Variants in DNAL1 observed in about 807,000 individuals in gnomAD.
DNAL1 encodes chromosome 14 open reading frame 168.
Under a neutral mutation model 29.4 loss-of-function variants are expected in DNAL1, and 17 were observed. The observed-to-expected ratio is 0.58, with a 90% CI of 0.40 to 0.87. DNAL1 has a LOEUF of 0.87. Among genes scored for constraint, DNAL1 ranks in the 40% least tolerant of loss-of-function variants. The pLI is 0.00. For synonymous variants in DNAL1, 78 were observed against 76.3 expected, an observed-to-expected ratio of 1.02 and a Z score of -0.12; for missense variants, 188 against 214.1, an observed-to-expected ratio of 0.88 and a Z score of 0.76.
At chr14:73,661,883 A>G in intron 3 of DNAL1, 104 bp from the exon 4 acceptor site, 1 of 682,944 alleles carries the variant, frequency 1.5e-6, no homozygotes, top group Non-Finnish European at 2.4e-6. Context: ...GAGTGGGGAA[A>G]ATATTACTTA....
Position 73,702,213 on chromosome 14 carries a change from T to C in DNAL1, c.*6271T>C, listed in dbSNP as rs1044376047. On this transcript the variant is annotated 3_prime_UTR_variant, in exon 8 of 8. Coordinates refer to ENST00000553645, the MANE Select transcript of DNAL1 (RefSeq NM_031427.4). ...TGGAGTGCACTGGCACAATCTCGGC[T>C]TACTGCAACCTCCACCTCCCGTGTT... 6.6e-5 allele frequency: 10 copies of C among 152,318 alleles called. No individual in the cohort carries two copies. The highest frequency in any genetic ancestry group is 5.8e-4 in the East Asian group (3 of 5,174). The allele number at this position is 152,318 out of a possible 1,614,324, so 9.4% of individuals were successfully genotyped here.
chr14:73,649,965 T>C (rs938608830), intron 1 of DNAL1, among the ~76,000 whole-genome samples: 27 of 152,292 alleles, frequency 1.8e-4, no homozygotes, highest in African/African-American at 6.3e-4. Flanking sequence ...TTTAAATAGT[T>C]GTTATACTGT....
At chr14:73,664,429 C>T (rs889049498) in intron 4 of DNAL1, among the ~76,000 whole-genome samples, 2 of 152,020 alleles carry the variant, frequency 1.3e-5, no homozygotes, top group African/African-American at 4.8e-5. Context: ...GCCTTGATGT[C>T]GCATTAAAAG....
At chr14:73,649,861 T>C (rs1401124143) in intron 1 of DNAL1, among the ~76,000 whole-genome samples, 2 of 152,244 alleles carry the variant, frequency 1.3e-5, no homozygotes, top group African/African-American at 2.4e-5. Flanking sequence ...TTACATATAA[T>C]GGTGTGGTAT....
At chr14:73,648,513 C>T (rs748870896) in intron 1 of DNAL1, among the ~76,000 whole-genome samples, 3 of 148,106 alleles carry the variant, frequency 2.0e-5, no homozygotes, top group Admixed American at 6.8e-5. Flanking sequence ...CTCCACCTCC[C>T]GGGATCCTCC....
chr14:73,692,621 A>C (rs1892201574), intron 7 of DNAL1, among the ~76,000 whole-genome samples: 1 of 151,882 alleles, frequency 6.6e-6, no homozygotes, highest in Admixed American at 6.6e-5. Context: ...AAAAAAAAAA[A>C]AAAGAATAAA....
Position 73,702,479 on chromosome 14 carries a change from G to A in DNAL1, c.*6537G>A, listed in dbSNP as rs1380359699. Reference sequence around the variant, plus strand: ...TTAGCTAAGTTTTTTTTTCTTAGTAGGTTTTTTTCTCCCAGGCTTGTAACT... The same window carrying A: ...TTAGCTAAGTTTTTTTTTCTTAGTAAGTTTTTTTCTCCCAGGCTTGTAACT... On this transcript the variant is annotated 3_prime_UTR_variant, in exon 8 of 8. Transcript: ENST00000553645. The A allele has an allele frequency of 6.6e-6, 1 of 151,960 alleles. No individual in the cohort carries two copies. Among genetic ancestry groups the A allele is most frequent in the Non-Finnish European group, 1.5e-5 (1 of 67,996 alleles). The allele number at this position is 151,960 out of a possible 1,614,324, so 9.4% of individuals were successfully genotyped here.
chr14:73,687,771 G>A, intron 6 of DNAL1, among the ~76,000 whole-genome samples: 1 of 152,078 alleles, frequency 6.6e-6, no homozygotes, highest in Non-Finnish European at 1.5e-5. Flanking sequence ...TACTCGGGAG[G>A]CTGAGGCAGG....
intron 4 of DNAL1, 91 bp downstream of exon 4, chr14:73,662,133 C>T: frequency 1.9e-6 from 2 of 1,076,640 alleles, no homozygotes; most frequent in Non-Finnish European, 2.7e-6. Context: ...GAAGCTGGCA[C>T]CTGTTTTAGC....
In DNAL1 at chr14:73,675,204, A is replaced by T. The variant is rs377430726; in HGVS notation, c.264+3607A>T. Among the ~76,000 whole-genome samples, 1,180 of 150,752 alleles carry T rather than the reference A, an allele frequency of 7.8e-3. 20 individuals are homozygous for T. Among genetic ancestry groups the T allele is most frequent in the African/African-American group, 0.027 (1,102 of 40,700 alleles). ...TTCTTGTTCTCTCTCTCTCTCTCTC[A>T]CACACAAACACACACACACACACAC... On this transcript the variant is annotated intron_variant, in intron 5 of 7. Coordinates refer to ENST00000553645, the MANE Select transcript of DNAL1 (RefSeq NM_031427.4).
chr14:73,657,100 CAT>C (rs1207249848), intron 2 of DNAL1, among the ~76,000 whole-genome samples: 1 of 151,562 alleles, frequency 6.6e-6, no homozygotes, highest in East Asian at 2.0e-4. Context: ...CTATTATTGA[CAT>C]GTGGTGATTT....
intron 5 of DNAL1, among the ~76,000 whole-genome samples, chr14:73,680,073 T>G (rs1041236366): frequency 2.0e-5 from 3 of 152,184 alleles, no homozygotes; most frequent in African/African-American, 4.8e-5. Context: ...ACTTTAGAAT[T>G]TATTTTGATA....
chr14:73,682,924 C>T (rs1316398551), intron 5 of DNAL1, among the ~76,000 whole-genome samples: 7 of 143,720 alleles, frequency 4.9e-5, no homozygotes, highest in African/African-American at 1.8e-4. Flanking sequence ...TTGCCCAGGC[C>T]AGAGTGCAAT....
Position 73,702,946 on chromosome 14 carries a change from CAAAAAAAAAAA to C in DNAL1, c.*7007_*7017del, listed in dbSNP as rs367557905. 3.7e-5 allele frequency: 3 copies of C among 80,316 alleles called. No homozygotes were observed. The East Asian group carries it at 9.8e-4, about 26-fold the overall frequency. The allele number at this position is 80,316 out of a possible 1,614,324, so 5.0% of individuals were successfully genotyped here. A position where few individuals can be genotyped will look rare whatever the true frequency, so the allele number is the denominator to read the frequency against. On this transcript the variant is annotated 3_prime_UTR_variant, in exon 8 of 8. Coordinates refer to ENST00000553645, the MANE Select transcript of DNAL1 (RefSeq NM_031427.4). ...GCAACATCGTGAGACCCCATCTCTA[CAAAAAAAAAAA>C]AAGAAAAAAAAAATTAGTTGGGCAT...
intron 4 of DNAL1, among the ~76,000 whole-genome samples, chr14:73,668,420 G>A (rs1489673408): frequency 6.6e-6 from 1 of 151,982 alleles, no homozygotes; most frequent in Admixed American, 6.6e-5. Context: ...AGAAAATGGT[G>A]TTTTTTCATA....
At chr14:73,682,980 G>A (rs1403877710) in intron 5 of DNAL1, among the ~76,000 whole-genome samples, 4 of 148,760 alleles carry the variant, frequency 2.7e-5, no homozygotes, top group African/African-American at 7.5e-5. Flanking sequence ...GGGTTCAAGC[G>A]ATTCTTCTGC....
intron 4 of DNAL1, among the ~76,000 whole-genome samples, chr14:73,670,394 A>G (rs1459731692): frequency 6.6e-6 from 1 of 152,240 alleles, no homozygotes; most frequent in African/African-American, 2.4e-5. Flanking sequence ...TGACCACCAT[A>G]TTAGACAAAG....
chr14:73,647,086 C>T lies in DNAL1; in HGVS notation c.3+2044C>T, dbSNP rs982158526. Reference sequence around the variant, plus strand: ...GAAAAATAAATATTGGGGCAGGGCACGGTGGCTCACACCTTTAATTCCAGC... The same window carrying T: ...GAAAAATAAATATTGGGGCAGGGCATGGTGGCTCACACCTTTAATTCCAGC... On this transcript the variant is annotated intron_variant, in intron 1 of 7. Coordinates refer to ENST00000553645, the MANE Select transcript of DNAL1 (RefSeq NM_031427.4). 4.0e-5 allele frequency among the ~76,000 whole-genome samples: 6 copies of T among 151,826 alleles called. 1 individual carries two copies. The highest frequency in any genetic ancestry group is 2.1e-4 in the South Asian group (1 of 4,806).
chr14:73,649,437 C>T (rs1388313946), intron 1 of DNAL1, among the ~76,000 whole-genome samples: 1 of 151,606 alleles, frequency 6.6e-6, no homozygotes, highest in African/African-American at 2.4e-5. Context: ...CGCCTGCCAC[C>T]ACGCCCGGCA....
Sources: gnomAD v4.1 joint callset for allele counts (sites outside exome capture counted in the v4.1 genomes callset) on GRCh38, gnomAD v4.1.1 for gene constraint, MANE v1.5 for transcripts, NCBI Gene and HGNC (gene_info 2026-07-23, HGNC 2026-07-21) for gene names.